The following OXR1 variants were observed in gnomAD, a reference collection of about 807,000 sequenced individuals.
The protein encoded by OXR1 is oxidation resistance 1.
Under a neutral mutation model 104.6 loss-of-function variants are expected in OXR1, and 41 were observed. The ratio of observed to expected loss-of-function variants is 0.39; its 90% CI spans 0.31 to 0.51. The LOEUF (loss-of-function observed/expected upper bound fraction) is 0.51. Among genes scored for constraint, OXR1 ranks in the 20% least tolerant of loss-of-function variants. OXR1 has a pLI of 0.77. For synonymous variants in OXR1, 348 were observed against 348.4 expected, an observed-to-expected ratio of 1.00 and a Z score of 0.01; for missense variants, 955 against 1,031.9, an observed-to-expected ratio of 0.93 and a Z score of 1.02.
At chr8:106,294,387 C>T (rs1234133125) in intron 1 of OXR1, among the ~76,000 whole-genome samples, 13 of 107,268 alleles carry the variant, frequency 1.2e-4, no homozygotes, top group African/African-American at 4.5e-5. Context: ...CAGGGCAAGA[C>T]TCTGTCTCAA....
At chr8:106,301,065 A>G (rs1411993780) in intron 1 of OXR1, among the ~76,000 whole-genome samples, 3 of 152,200 alleles carry the variant, frequency 2.0e-5, no homozygotes, top group African/African-American at 7.2e-5. Context: ...GATAAAACGC[A>G]CGTCATATAA....
intron 11 of OXR1, among the ~76,000 whole-genome samples, chr8:106,725,312 G>A (rs1208329723): frequency 1.3e-5 from 2 of 152,108 alleles, no homozygotes; most frequent in Non-Finnish European, 2.9e-5. Context: ...GTGTGTGTGT[G>A]AAAAGGTGGC....
intron 2 of OXR1, among the ~76,000 whole-genome samples, chr8:106,437,425 A>G (rs926838249): frequency 6.6e-6 from 1 of 152,176 alleles, no homozygotes; most frequent in Non-Finnish European, 1.5e-5. Context: ...TTCTTACCTT[A>G]TAAGACTGCA....
intron 3 of OXR1, among the ~76,000 whole-genome samples, chr8:106,622,865 C>T (rs1264072838): frequency 6.6e-6 from 1 of 152,096 alleles, no homozygotes; most frequent in Non-Finnish European, 1.5e-5. Flanking sequence ...ATATTCTAGC[C>T]CTTGTACCAA....
chr8:106,375,547 A>G (rs1415402928), intron 2 of OXR1, among the ~76,000 whole-genome samples: 1 of 152,158 alleles, frequency 6.6e-6, no homozygotes, highest in East Asian at 1.9e-4. Flanking sequence ...CAGAACATAT[A>G]TGGGGAGACA....
At chr8:106,578,386 G>A (rs1396951025) in intron 3 of OXR1, among the ~76,000 whole-genome samples, 3 of 152,116 alleles carry the variant, frequency 2.0e-5, no homozygotes, top group African/African-American at 7.2e-5. Context: ...GTTTTTTAAA[G>A]CAGATACTGG....
intron 6 of OXR1, among the ~76,000 whole-genome samples, chr8:106,687,396 TA>T (rs916137975): frequency 1.3e-5 from 2 of 152,138 alleles, no homozygotes; most frequent in African/African-American, 4.8e-5. Context: ...TGTACCTTTG[TA>T]AATAGTTCCA....
intron 1 of OXR1, among the ~76,000 whole-genome samples, chr8:106,344,592 C>A (rs1039429674): frequency 1.3e-5 from 2 of 152,160 alleles, no homozygotes; most frequent in African/African-American, 4.8e-5. Flanking sequence ...CCGCCTCGGC[C>A]TCCCAAAGTG....
chr8:106,433,603 A>AAGG (rs768702143), intron 2 of OXR1, among the ~76,000 whole-genome samples: 6 of 152,190 alleles, frequency 3.9e-5, no homozygotes, highest in Non-Finnish European at 5.9e-5. Flanking sequence ...AGGAATGAAT[A>AAGG]AGGACAGCTT....
chr8:106,688,162 G>C (rs1006656136), intron 6 of OXR1, among the ~76,000 whole-genome samples: 9 of 151,958 alleles, frequency 5.9e-5, no homozygotes, highest in Non-Finnish European at 1.2e-4. Flanking sequence ...TGCCATTTTA[G>C]GGTAAAACTG....
intron 11 of OXR1, among the ~76,000 whole-genome samples, chr8:106,714,443 A>G (rs144199503): frequency 9.2e-4 from 140 of 152,140 alleles, no homozygotes; most frequent in African/African-American, 3.1e-3. Flanking sequence ...ACTCCTTTCT[A>G]TGTTTCAGAC....
At chr8:106,271,517 C>T (rs999714383) in intron 1 of OXR1, among the ~76,000 whole-genome samples, 1 of 152,076 alleles carries the variant, frequency 6.6e-6, no homozygotes, top group Admixed American at 6.5e-5. Flanking sequence ...CAGAAGTCTG[C>T]AGCGTGCAAC....
chr8:106,379,331 G>T (rs1451837254), intron 2 of OXR1, among the ~76,000 whole-genome samples: 1 of 152,124 alleles, frequency 6.6e-6, no homozygotes, highest in Non-Finnish European at 1.5e-5. Context: ...TAATTGATAT[G>T]TAGATCTTTC....
At chr8:106,270,180 G>A (rs1177761675), upstream of OXR1, 4 of 152,292 alleles carry the variant, frequency 2.6e-5, no homozygotes, top group African/African-American at 4.8e-5. Context: ...AACTGAGCAT[G>A]TCTGCAAGCG....
intron 2 of OXR1, among the ~76,000 whole-genome samples, chr8:106,517,784 G>A (rs541128025): frequency 6.6e-5 from 10 of 152,246 alleles, no homozygotes; most frequent in African/African-American, 1.2e-4. Flanking sequence ...AATATAGGTC[G>A]TATATGGATA....
chr8:106,741,840 C>T (rs1359516612), intron 14 of OXR1, among the ~76,000 whole-genome samples: 1 of 152,064 alleles, frequency 6.6e-6, no homozygotes, highest in Non-Finnish European at 1.5e-5. Flanking sequence ...TAGAATGTTT[C>T]CCTATACTGA....
chr8:106,395,961 A>T (rs1295111161), intron 2 of OXR1, among the ~76,000 whole-genome samples: 1 of 152,128 alleles, frequency 6.6e-6, no homozygotes, highest in Non-Finnish European at 1.5e-5. Context: ...GGGCCAACCT[A>T]AATGAGTTCC....
chr8:106,734,897 G>C (rs190279964), intron 11 of OXR1, among the ~76,000 whole-genome samples: 1 of 152,248 alleles, frequency 6.6e-6, no homozygotes, highest in East Asian at 1.9e-4. Flanking sequence ...CTTAAGAAAC[G>C]ATTTTTTAGC....
intron 3 of OXR1, among the ~76,000 whole-genome samples, chr8:106,586,150 A>C (rs1056336087): frequency 6.6e-6 from 1 of 152,182 alleles, no homozygotes; most frequent in African/African-American, 2.4e-5. Context: ...TTGGAAGCAG[A>C]CCAGTTAGGA....
Sources: gnomAD v4.1 joint callset for allele counts (sites outside exome capture counted in the v4.1 genomes callset) on GRCh38, gnomAD v4.1.1 for gene constraint, MANE v1.5 for transcripts, NCBI Gene and HGNC (gene_info 2026-07-23, HGNC 2026-07-21) for gene names.